The following KLRD1 variants were observed in gnomAD, a reference collection of about 807,000 sequenced individuals.
The protein encoded by KLRD1 is killer cell lectin like receptor D1.
In KLRD1, 21 loss-of-function variants were observed where a neutral mutation model predicts 22.6. That is an observed-to-expected ratio of 0.93 (90% CI 0.66 to 1.34). The LOEUF (loss-of-function observed/expected upper bound fraction) is 1.34, where lower values mean the gene tolerates loss of function less well. Among genes scored for constraint, KLRD1 ranks in the 40% most tolerant of loss-of-function variants. KLRD1 has a pLI of 0.00. For missense variants in KLRD1, 183 were observed against 208.6 expected (o/e 0.88, Z 0.76); for synonymous variants, 59 against 71.1 (o/e 0.83, Z 0.85).
At chr12:10,274,563 C>T (rs1041361563) in intron 1 of KLRD1, among the ~76,000 whole-genome samples, 2 of 152,052 alleles carry the variant, frequency 1.3e-5, no homozygotes, top group South Asian at 2.1e-4. Flanking sequence ...TACCTGGAGG[C>T]GTTTGTCTAA....
At chr12:10,299,299 G>A (rs559450562) in intron 1 of KLRD1, among the ~76,000 whole-genome samples, 31 of 152,046 alleles carry the variant, frequency 2.0e-4, no homozygotes, top group African/African-American at 7.5e-4. Flanking sequence ...TAGTAAGGAT[G>A]CTATCTCTTT....
At chr12:10,282,560 A>T (rs376322722) in intron 1 of KLRD1, among the ~76,000 whole-genome samples, 7 of 152,204 alleles carry the variant, frequency 4.6e-5, no homozygotes, top group African/African-American at 1.7e-4. Context: ...TCTGGCAAAT[A>T]AAAATATAAT....
At position 10,317,928 on chromosome 12, in the gene KLRD1, T is replaced by C. The variant is rs1352275578; in HGVS notation, c.*3135T>C. On this transcript the variant is annotated 3_prime_UTR_variant, in exon 6 of 6. Coordinates refer to ENST00000336164, the MANE Select transcript of KLRD1 (RefSeq NM_002262.5). ...GCTGAGCAAAAGGAAAAATACCCTC[T>C]TATTAAATCATCAGATCTAGTGAGA... 6.6e-6 allele frequency: 1 copy of C among 152,134 alleles called. No homozygotes were observed. Among genetic ancestry groups the C allele is most frequent in the Non-Finnish European group, 1.5e-5 (1 of 68,038 alleles). 9.4% of individuals were successfully genotyped at this position (152,134 alleles called of 1,614,324 possible).
rs750696767 is a variant in KLRD1, at chr12:10,324,818, G to GTGTGTGTGTGTA, written c.*10026_*10027insGTGTGTGTGTAT. ...AGTATATATGTATATGTGTGTGTGT[G>GTGTGTGTGTGTA]TATATATATATATATATATATATAT... On this transcript the variant is annotated 3_prime_UTR_variant, in exon 6 of 6. Transcript: ENST00000336164. 482 of 74,156 alleles carry GTGTGTGTGTGTA rather than the reference G, an allele frequency of 6.5e-3. 5 individuals carry two copies. Among genetic ancestry groups the GTGTGTGTGTGTA allele is most frequent in the African/African-American group, 0.016 (382 of 23,592 alleles). The allele number at this position is 74,156 out of a possible 1,614,324, so 4.6% of individuals were successfully genotyped here. A position where few individuals can be genotyped will look rare whatever the true frequency, so the allele number is the denominator to read the frequency against.
intron 1 of KLRD1, among the ~76,000 whole-genome samples, chr12:10,296,831 T>G (rs1339073053): frequency 1.3e-5 from 2 of 152,192 alleles, no homozygotes; most frequent in African/African-American, 4.8e-5. Context: ...TACATATGTT[T>G]CGCTGTGTTT....
chr12:10,302,723 G>A (rs1174355517), upstream of KLRD1, among the ~76,000 whole-genome samples: 1 of 151,478 alleles, frequency 6.6e-6, no homozygotes, highest in Admixed American at 6.6e-5. Context: ...CACAGGATTA[G>A]TTGAGTCATA....
intron 1 of KLRD1, among the ~76,000 whole-genome samples, chr12:10,243,923 G>A (rs913233934): frequency 2.6e-5 from 4 of 152,024 alleles, no homozygotes; most frequent in African/African-American, 4.8e-5. Context: ...GCAGGTATGC[G>A]GGACTAAAAT....
At chr12:10,281,611 A>T (rs1274321420) in intron 1 of KLRD1, among the ~76,000 whole-genome samples, 3 of 151,978 alleles carry the variant, frequency 2.0e-5, no homozygotes, top group Non-Finnish European at 4.4e-5. Context: ...TCCCGAGACA[A>T]AGAGAGGAAT....
chr12:10,297,540 T>C (rs1030335905), intron 1 of KLRD1, among the ~76,000 whole-genome samples: 1 of 152,192 alleles, frequency 6.6e-6, no homozygotes, highest in Non-Finnish European at 1.5e-5. Flanking sequence ...TATTTTAATA[T>C]ATTTTATAAA....
chr12:10,265,406 C>G (rs1949489746), intron 1 of KLRD1, among the ~76,000 whole-genome samples: 1 of 152,258 alleles, frequency 6.6e-6, no homozygotes, highest in East Asian at 1.9e-4. Flanking sequence ...TATATTTCAA[C>G]ATATATATCT....
In KLRD1 at chr12:10,321,979, G is replaced by T. The variant is rs1191742332; in HGVS notation, c.*7186G>T. The T allele has an allele frequency of 6.6e-6, 1 of 152,192 alleles. No homozygotes were observed. Among genetic ancestry groups the T allele is most frequent in the African/African-American group, 2.4e-5 (1 of 41,428 alleles). The allele number at this position is 152,192 out of a possible 1,614,324, so 9.4% of individuals were successfully genotyped here. A position where few individuals can be genotyped will look rare whatever the true frequency, so the allele number is the denominator to read the frequency against. On this transcript the variant is annotated 3_prime_UTR_variant, in exon 6 of 6. Coordinates refer to ENST00000336164, the MANE Select transcript of KLRD1 (RefSeq NM_002262.5). ...TGTTGTTTTAAGCTTACGAGTTTGA[G>T]GATAATTTGTTCTTTATAGTAGTTA...
upstream of KLRD1, among the ~76,000 whole-genome samples, chr12:10,303,345 T>A (rs962548479): frequency 3.9e-5 from 6 of 152,180 alleles, no homozygotes; most frequent in African/African-American, 1.4e-4. Context: ...GACACTTGAA[T>A]GGCATCCTGA....
At chr12:10,260,246 C>T (rs553283051) in intron 1 of KLRD1, among the ~76,000 whole-genome samples, 131 of 152,164 alleles carry the variant, frequency 8.6e-4, no homozygotes, top group African/African-American at 2.9e-3. Flanking sequence ...ATATAGCCTT[C>T]ATTTTCTTTT....
chr12:10,309,926 T>C lies in KLRD1; in HGVS notation c.163+238T>C, dbSNP rs1202551347. ...AAATAGTAGCCTGAAACGAAAGATA[T>C]GTTTCCTATATGAGTGCTCATAATT... On this transcript the variant is annotated intron_variant, in intron 3 of 5. Transcript: ENST00000336164. Among the ~76,000 whole-genome samples the C allele has an allele frequency of 3.3e-5, 5 of 152,224 alleles. No individual in the cohort carries two copies. In the East Asian group the frequency reaches 5.8e-4, roughly 18 times the overall value.
intron 3 of KLRD1, among the ~76,000 whole-genome samples, chr12:10,310,884 G>A (rs575968178): frequency 6.6e-5 from 10 of 152,250 alleles, no homozygotes; most frequent in South Asian, 2.1e-4. Context: ...TTTTATTACC[G>A]TGGGTAACAA....
intron 1 of KLRD1, among the ~76,000 whole-genome samples, chr12:10,261,774 G>A (rs1565451830): frequency 6.6e-6 from 1 of 151,758 alleles, no homozygotes; most frequent in Non-Finnish European, 1.5e-5. Flanking sequence ...ATTCTCTCTG[G>A]GTCTTGGTTT....
Position 10,315,460 on chromosome 12 carries a change from A to G in KLRD1, c.*667A>G, listed in dbSNP as rs1485232310. 1 of 186,254 alleles carries G rather than the reference A, an allele frequency of 5.4e-6. No individual in the cohort carries two copies. Among genetic ancestry groups the G allele is most frequent in the East Asian group, 1.8e-4 (1 of 5,602 alleles). 11.5% of individuals were successfully genotyped at this position (186,254 alleles called of 1,614,324 possible). On this transcript the variant is annotated 3_prime_UTR_variant, in exon 6 of 6. Transcript: ENST00000336164. ...TTCTTGTATGAAGATTGATTTGGGA[A>G]AAATGCATTTCAGGTAACTGACAAA...
chr12:10,239,502 T>C (rs367841146), intron 1 of KLRD1, among the ~76,000 whole-genome samples: 2 of 108,230 alleles, frequency 1.8e-5, no homozygotes, highest in African/African-American at 3.1e-5. Context: ...CCTTCCTTCC[T>C]TCCCTCCTTC....
chr12:10,311,165 T>C (rs1390005689), intron 3 of KLRD1, among the ~76,000 whole-genome samples: 1 of 152,240 alleles, frequency 6.6e-6, no homozygotes, highest in African/African-American at 2.4e-5. Context: ...TACACTCTGC[T>C]ACATGCTGTT....
Sources: allele counts gnomAD v4.1 joint callset (sites outside exome capture counted in the v4.1 genomes callset), GRCh38; gene constraint gnomAD v4.1.1; transcripts MANE v1.5; gene names NCBI Gene and HGNC (gene_info 2026-07-23, HGNC 2026-07-21).